QKI: variants seen among roughly 807,000 people sequenced by gnomAD.
The protein encoded by QKI is KH domain-containing RNA-binding protein QKI.
QKI carries 10 observed loss-of-function variants against 39.0 expected under a neutral mutation model. That is an observed-to-expected ratio of 0.26 (90% confidence interval 0.16 to 0.43). The LOEUF (loss-of-function observed/expected upper bound fraction) is 0.43, where lower values mean the gene tolerates loss of function less well. QKI is among the 20% of genes least tolerant of loss of function. QKI has a pLI of 1.00. For synonymous variants in QKI, 204 were observed against 155.4 expected (o/e 1.31, Z -2.33); for missense variants, 218 against 428.0 (o/e 0.51, Z 4.33).
chr6:163,569,442 A>G (rs1236523963), intron 7 of QKI: 1 of 1,277,832 alleles, frequency 7.8e-7, no homozygotes, highest in African/African-American at 1.5e-5. Context: ...CCTTAGTCAC[A>G]ATGGCAACAG....
In QKI at chr6:163,481,477, C is replaced by A. The variant is rs1737600; in HGVS notation, c.402+2581C>A. On this transcript the variant is annotated intron_variant, in intron 3 of 7. Transcript: ENST00000361752. ...AGAGTGCAGGCACTTGAAAAAAATA[C>A]CTGTGAAAGGAGTGACTAGTTCAGG... is the stretch of plus-strand genomic sequence containing the variant. Among the ~76,000 whole-genome samples the A allele has an allele frequency of 4.3e-3, 660 of 152,008 alleles. 3 individuals are homozygous for A. The highest frequency in any genetic ancestry group is 3.9e-3 in the Non-Finnish European group (264 of 67,972).
intron 3 of QKI, among the ~76,000 whole-genome samples, chr6:163,531,417 A>G (rs1780842307): frequency 6.6e-6 from 1 of 152,132 alleles, no homozygotes; most frequent in Non-Finnish European, 1.5e-5. Flanking sequence ...ATAGCTAGCC[A>G]TTTGTGGACA....
chr6:163,568,856 A>G, intron 7 of QKI: 1 of 985,808 alleles, frequency 1.0e-6, no homozygotes, highest in Non-Finnish European at 1.2e-6. Flanking sequence ...TTTTAGTTGT[A>G]ATGAACTGTA....
At position 163,574,040 on chromosome 6, in the gene QKI, G is replaced by A. The variant is rs1326631789; in HGVS notation, c.*3330G>A. 1 of 152,180 alleles carries A rather than the reference G, an allele frequency of 6.6e-6. No individual in the cohort carries two copies. The highest frequency in any genetic ancestry group is 1.5e-5 in the Non-Finnish European group (1 of 68,064). 9.4% of individuals were successfully genotyped at this position (152,180 alleles called of 1,614,324 possible). A position where few individuals can be genotyped will look rare whatever the true frequency, so the allele number is the denominator to read the frequency against. On this transcript the variant is annotated 3_prime_UTR_variant, in exon 8 of 8. Coordinates refer to ENST00000361752, the MANE Select transcript of QKI (RefSeq NM_006775.3). ...CGGGGCGGGTGTGGGTGTAGGTGCA[G>A]TAGAGATGGGAACAAAGTAGCCTTT...
At chr6:163,497,639 T>TAA (rs57352765) in intron 3 of QKI, among the ~76,000 whole-genome samples, 1,858 of 148,458 alleles carry the variant, frequency 0.013, 41 homozygotes, top group African/African-American at 0.036. Context: ...TATTGTTTGT[T>TAA]AAAAAAAAAA....
intron 4 of QKI, among the ~76,000 whole-genome samples, chr6:163,553,173 G>A (rs1206708269): frequency 2.0e-5 from 3 of 150,100 alleles, no homozygotes; most frequent in South Asian, 4.2e-4. Context: ...GCACGATCTC[G>A]GCTCACTGCA....
intron 1 of QKI, among the ~76,000 whole-genome samples, chr6:163,442,441 A>C (rs1789830780): frequency 6.6e-6 from 1 of 152,182 alleles, no homozygotes; most frequent in Non-Finnish European, 1.5e-5. Context: ...TGAACAGAGG[A>C]GTGACATCTC....
At chr6:163,417,674 T>TA (rs1255704930) in intron 1 of QKI, among the ~76,000 whole-genome samples, 3 of 152,216 alleles carry the variant, frequency 2.0e-5, no homozygotes, top group African/African-American at 4.8e-5. Flanking sequence ...ACCACTATGA[T>TA]ATCTCCTAGA....
At chr6:163,427,687 G>A (rs991532246) in intron 1 of QKI, among the ~76,000 whole-genome samples, 5 of 151,862 alleles carry the variant, frequency 3.3e-5, no homozygotes, top group African/African-American at 7.3e-5. Context: ...ATGTGTGTGC[G>A]CGCGTGTGTG....
At chr6:163,496,395 AAGG>A (rs35315152) in intron 3 of QKI, among the ~76,000 whole-genome samples, 118,988 of 151,538 alleles carry the variant, frequency 0.79, 46,862 homozygotes, top group East Asian at 1. Context: ...ATGAAGCATT[AAGG>A]AGGAGGTAAA....
intron 3 of QKI, among the ~76,000 whole-genome samples, chr6:163,526,371 G>A (rs1461896801): frequency 6.6e-6 from 1 of 152,114 alleles, no homozygotes; most frequent in Non-Finnish European, 1.5e-5. Flanking sequence ...TCTGTGCCTT[G>A]AATTGTGTAT....
At chr6:163,448,384 A>G in intron 1 of QKI, among the ~76,000 whole-genome samples, 1 of 149,004 alleles carries the variant, frequency 6.7e-6, no homozygotes, top group East Asian at 2.0e-4. Flanking sequence ...CTTTGAAATT[A>G]AATCAGATTT....
chr6:163,497,623 A>G (rs1196463515), intron 3 of QKI, among the ~76,000 whole-genome samples: 2 of 140,264 alleles, frequency 1.4e-5, no homozygotes, highest in African/African-American at 5.1e-5. Flanking sequence ...AAAAAATAAG[A>G]GTAGATATTG....
chr6:163,528,299 A>G (rs975918422), intron 3 of QKI, among the ~76,000 whole-genome samples: 1 of 152,186 alleles, frequency 6.6e-6, no homozygotes, highest in Non-Finnish European at 1.5e-5. Context: ...AAAGTAAAAA[A>G]TTCTAGAGAT....
At chr6:163,525,155 G>C (rs1222065453) in intron 3 of QKI, among the ~76,000 whole-genome samples, 9 of 152,090 alleles carry the variant, frequency 5.9e-5, no homozygotes. Context: ...CTGAAGAATG[G>C]AGCATTTGCA....
chr6:163,461,219 T>G (rs974890940), intron 2 of QKI, among the ~76,000 whole-genome samples: 14 of 152,204 alleles, frequency 9.2e-5, no homozygotes, highest in Non-Finnish European at 1.5e-5. Flanking sequence ...ACCAAATATT[T>G]CATAGGCTTT....
intron 1 of QKI, among the ~76,000 whole-genome samples, chr6:163,435,411 A>G (rs1253258890): frequency 6.6e-6 from 1 of 152,202 alleles, no homozygotes; most frequent in African/African-American, 2.4e-5. Context: ...GAAATTGCAG[A>G]CCTTGATACT....
chr6:163,462,251 C>T (rs1465370855), intron 2 of QKI, among the ~76,000 whole-genome samples: 1 of 152,148 alleles, frequency 6.6e-6, no homozygotes, highest in Non-Finnish European at 1.5e-5. Flanking sequence ...CCACTGCGCC[C>T]AGCCAGAAAA....
chr6:163,437,445 G>A (rs1037232024), intron 1 of QKI, among the ~76,000 whole-genome samples: 6 of 152,110 alleles, frequency 3.9e-5, no homozygotes, highest in African/African-American at 9.7e-5. Flanking sequence ...ATAGATACTG[G>A]TGGTGATTTA....
Sources: gnomAD v4.1 joint callset for allele counts (sites outside exome capture counted in the v4.1 genomes callset) on GRCh38, gnomAD v4.1.1 for gene constraint, MANE v1.5 for transcripts, NCBI Gene and HGNC (gene_info 2026-07-23, HGNC 2026-07-21) for gene names.